The following SUN5 variants were observed in gnomAD, a reference collection of about 807,000 sequenced individuals.
SUN5 encodes SUN domain-containing protein 5.
A neutral mutation model predicts 53.7 loss-of-function variants in SUN5; 44 were observed. The ratio of observed to expected loss-of-function variants is 0.82; its 90% CI spans 0.64 to 1.05. The LOEUF (loss-of-function observed/expected upper bound fraction) is 1.05. Among genes scored for constraint, SUN5 ranks in the 50% least tolerant of loss-of-function variants. The pLI, the probability that SUN5 is intolerant of heterozygous loss-of-function variation, is 0.00. For synonymous variants in SUN5, 166 were observed against 179.8 expected, an observed-to-expected ratio of 0.92 and a Z score of 0.62; for missense variants, 433 against 483.8, an observed-to-expected ratio of 0.90 and a Z score of 0.98.
At chr20:33,000,338 C>T (rs1989968234) in intron 4 of SUN5, among the ~76,000 whole-genome samples, 1 of 152,238 alleles carries the variant, frequency 6.6e-6, no homozygotes, top group Non-Finnish European at 1.5e-5. Flanking sequence ...ACCCTGTGAA[C>T]TTGGCAATGT....
At chr20:32,996,938 G>T (rs1989867042) in intron 6 of SUN5, among the ~76,000 whole-genome samples, 1 of 152,156 alleles carries the variant, frequency 6.6e-6, no homozygotes, top group Non-Finnish European at 1.5e-5. Context: ...CAACCCTGTT[G>T]CTGGCACCAA....
At chr20:32,989,119 G>A (rs145496516) in intron 9 of SUN5, among the ~76,000 whole-genome samples, 2,403 of 151,788 alleles carry the variant, frequency 0.016, 67 homozygotes, top group African/African-American at 0.053. Flanking sequence ...TAGAGACGGG[G>A]TTTCACCGTG....
At position 32,985,762 on chromosome 20, in the gene SUN5, T is replaced by G; in HGVS notation, c.871A>C (p.Thr291Pro). 6.2e-7 allele frequency: 1 copy of G among 1,614,016 alleles called. No homozygotes were observed. Among genetic ancestry groups the G allele is most frequent in the Non-Finnish European group, 8.5e-7 (1 of 1,179,948 alleles). The change falls in exon 11 of 13, where the codon ACC becomes CCC. Residue 291 changes from threonine (T) to proline (P), a missense_variant. Thr to Pro is a conservative substitution (Grantham distance 38, BLOSUM62 -1). Transcript: ENST00000356173. ...TAGATGACGAAGTCCTTGGGGGCGG[T>G]GTCCAGGCTGCCTGACAATGAGATG... ...KTISLSGSLDTAPKDFVIYGM... is the reference protein window; with the variant it reads ...KTISLSGSLDPAPKDFVIYGM...
Position 32,987,652 on chromosome 20 carries a change from C to A in SUN5, c.729+8G>T, listed in dbSNP as rs371039244. On this transcript the variant is annotated splice_region_variant and intron_variant, in intron 10 of 12. Coordinates refer to ENST00000356173, the MANE Select transcript of SUN5 (RefSeq NM_080675.4). ...TGCCGCTGTCCCATCTCCCGCCATCCCCCCTGCCTCAAGGATCACGTCTGG... is the reference window on the plus strand; with the variant it reads ...TGCCGCTGTCCCATCTCCCGCCATCACCCCTGCCTCAAGGATCACGTCTGG... 2.5e-6 allele frequency: 4 copies of A among 1,594,672 alleles called. No homozygotes were observed. The highest frequency in any genetic ancestry group is 1.1e-5 in the South Asian group (1 of 87,708).
intron 4 of SUN5, among the ~76,000 whole-genome samples, chr20:33,000,837 C>A (rs1370917184): frequency 3.4e-5 from 5 of 148,048 alleles, no homozygotes; most frequent in African/African-American, 1.3e-4. Flanking sequence ...AGAGTGAAAC[C>A]CTGTCTAAAA....
intron 9 of SUN5, among the ~76,000 whole-genome samples, chr20:32,988,211 T>G (rs1989601171): frequency 6.6e-6 from 1 of 152,166 alleles, no homozygotes; most frequent in Non-Finnish European, 1.5e-5. Flanking sequence ...AGTCTTGTGA[T>G]GACGACCGAC....
intron 2 of SUN5, 98 bp downstream of exon 2, chr20:33,002,762 CT>C (rs1990085932): frequency 6.3e-7 from 1 of 1,597,244 alleles, no homozygotes; most frequent in African/African-American, 1.3e-5. Flanking sequence ...ATCCCTGCCC[CT>C]GCCCCTTGCT....
At chr20:32,987,878 G>A (rs1989591341) in intron 9 of SUN5, 103 bp from the exon 10 acceptor site, 1 of 808,528 alleles carries the variant, frequency 1.2e-6, no homozygotes, top group Non-Finnish European at 2.1e-6. Flanking sequence ...CATTTTGGAT[G>A]AGTCACTGGC....
At position 33,002,658 on chromosome 20, in the gene SUN5, T is replaced by C. The variant is rs896854747; in HGVS notation, c.140A>G (p.Asp47Gly). 1 of 1,614,106 alleles carries C rather than the reference T, an allele frequency of 6.2e-7. No individual in the cohort carries two copies. The highest frequency in any genetic ancestry group is 8.5e-7 in the Non-Finnish European group (1 of 1,180,040). Reference sequence around the variant, plus strand: ...GTTGCGGACAGGCAACAGGATGTTGTCATCTGCAGAGAGCACAGGACTGTC... The same window carrying C: ...GTTGCGGACAGGCAACAGGATGTTGCCATCTGCAGAGAGCACAGGACTGTC... The part of the protein sequence containing the change: ...MAEDTSPNMN[D>G]NILLPVRNND... Residue 47 changes from aspartate to glycine, a missense_variant, in exon 3 of 13, where the codon GAC (aspartate) becomes GGC (glycine). Coordinates refer to ENST00000356173, the MANE Select transcript of SUN5 (RefSeq NM_080675.4).
intron 8 of SUN5, among the ~76,000 whole-genome samples, chr20:32,995,375 A>C (rs1054985817): frequency 6.6e-6 from 1 of 152,238 alleles, no homozygotes; most frequent in African/African-American, 2.4e-5. Flanking sequence ...TCTCAGGAGA[A>C]ACTATTTCAT....
chr20:32,995,759 T>C, intron 7 of SUN5, 32 bp from the exon 8 acceptor site: 1 of 1,596,712 alleles, frequency 6.3e-7, no homozygotes. Context: ...CAAGAACAGG[T>C]TGATTTGTGA....
intron 8 of SUN5, 87 bp from the exon 9 acceptor site, chr20:32,989,785 G>C (rs1989663234): frequency 9.0e-7 from 1 of 1,116,632 alleles, no homozygotes; most frequent in Non-Finnish European, 1.3e-6. Flanking sequence ...ACAGGGGGCT[G>C]CAGGACGCTG....
intron 8 of SUN5, among the ~76,000 whole-genome samples, chr20:32,994,409 C>CAG (rs1989786026): frequency 6.6e-6 from 1 of 152,108 alleles, no homozygotes; most frequent in African/African-American, 2.4e-5. Context: ...AAGCAGAAAA[C>CAG]AGAGGGAGGC....
At chr20:32,988,881 GCCCA>G (rs1989622242) in intron 9 of SUN5, among the ~76,000 whole-genome samples, 1 of 149,712 alleles carries the variant, frequency 6.7e-6, no homozygotes, top group Non-Finnish European at 1.5e-5. Flanking sequence ...GAGCCACCAA[GCCCA>G]GCCCTGAAGC....
chr20:32,998,384 C>T (rs1164812686), intron 5 of SUN5, among the ~76,000 whole-genome samples: 2 of 151,946 alleles, frequency 1.3e-5, no homozygotes, highest in South Asian at 2.1e-4. Context: ...AGCAGAATCG[C>T]TTGAACCCGG....
intron 11 of SUN5, 132 bp from the exon 12 acceptor site, chr20:32,985,317 T>A: frequency 1.3e-6 from 1 of 755,786 alleles, no homozygotes; most frequent in Non-Finnish European, 2.2e-6. Flanking sequence ...CGTTTCACTG[T>A]GGCACAGTGT....
chr20:32,991,606 C>T (rs530080418), intron 8 of SUN5, among the ~76,000 whole-genome samples: 2 of 152,306 alleles, frequency 1.3e-5, no homozygotes, highest in South Asian at 2.1e-4. Flanking sequence ...CTGCCAAGAG[C>T]CTCACTTGAC....
At chr20:32,988,867 G>A (rs1173187629) in intron 9 of SUN5, among the ~76,000 whole-genome samples, 1 of 151,644 alleles carries the variant, frequency 6.6e-6, no homozygotes, top group Non-Finnish European at 1.5e-5. Context: ...GGGATTATAG[G>A]TGTGAGCCAC....
In SUN5 at chr20:32,985,731, C is replaced by T. The variant is rs368892722; in HGVS notation, c.897+5G>A. 3 of 1,613,618 alleles carry T rather than the reference C, an allele frequency of 1.9e-6. No individual in the cohort carries two copies. In the African/African-American group the frequency reaches 4.0e-5, roughly 22 times the overall value. On this transcript the variant is annotated splice_donor_5th_base_variant and intron_variant, in intron 11 of 12. Transcript: ENST00000356173. The stretch of plus-strand genomic sequence containing the variant: ...AAGCATAGCTCCCTGCAGGGGAGTG[C>T]TCACATAGATGACGAAGTCCTTGGG...
Sources: gnomAD v4.1 joint callset for allele counts (sites outside exome capture counted in the v4.1 genomes callset) on GRCh38, gnomAD v4.1.1 for gene constraint, MANE v1.5 for transcripts, NCBI Gene and HGNC (gene_info 2026-07-23, HGNC 2026-07-21) for gene names.